The following MDGA2 variants were observed in gnomAD, a reference collection of about 807,000 sequenced individuals.
MDGA2 encodes the protein MAM domain containing glycosylphosphatidylinositol anchor 2.
Under a neutral mutation model 117.8 loss-of-function variants are expected in MDGA2, and 40 were observed. That is an observed-to-expected ratio of 0.34 (90% CI 0.26 to 0.44). The LOEUF is 0.44. Among genes scored for constraint, MDGA2 ranks in the 20% least tolerant of loss-of-function variants. The probability of loss-of-function intolerance (pLI) is 1.00; values close to 1 mark genes in which losing one functional copy is unlikely to be tolerated. For synonymous variants in MDGA2, 452 were observed against 439.0 expected, an observed-to-expected ratio of 1.03 and a Z score of -0.37; for missense variants, 1,123 against 1,250.6, an observed-to-expected ratio of 0.90 and a Z score of 1.54.
At chr14:46,883,862 T>C (rs999256109) in intron 10 of MDGA2, among the ~76,000 whole-genome samples, 1 of 152,136 alleles carries the variant, frequency 6.6e-6, no homozygotes, top group Non-Finnish European at 1.5e-5. Flanking sequence ...TTCAGATATA[T>C]ATATATGACA....
chr14:47,597,448 G>GT (rs1351064789), intron 1 of MDGA2, among the ~76,000 whole-genome samples: 1 of 151,656 alleles, frequency 6.6e-6, no homozygotes, highest in Non-Finnish European at 1.5e-5. Context: ...AATAATGAAC[G>GT]TAAGTTAATA....
intron 10 of MDGA2, among the ~76,000 whole-genome samples, chr14:46,907,040 G>A (rs987202931): frequency 1.5e-5 from 2 of 135,356 alleles, no homozygotes; most frequent in East Asian, 4.4e-4. Context: ...GCAGTGGCAC[G>A]AACTCAGCTC....
At chr14:46,968,833 T>A in intron 8 of MDGA2, among the ~76,000 whole-genome samples, 1 of 143,848 alleles carries the variant, frequency 7.0e-6, no homozygotes, top group African/African-American at 2.6e-5. Context: ...CAAGACTCTG[T>A]CTAAAAAAAA....
intron 1 of MDGA2, among the ~76,000 whole-genome samples, chr14:47,604,715 T>C (rs558762193): frequency 6.0e-4 from 92 of 152,280 alleles, no homozygotes; most frequent in Non-Finnish European, 1.0e-3. Flanking sequence ...AACGGGAATT[T>C]ATTTCCACAT....
At chr14:47,280,372 C>A (rs1888446947) in intron 2 of MDGA2, among the ~76,000 whole-genome samples, 1 of 140,868 alleles carries the variant, frequency 7.1e-6, no homozygotes, top group South Asian at 2.4e-4. Context: ...CGATCTATCT[C>A]ATTACTCAAA....
intron 1 of MDGA2, among the ~76,000 whole-genome samples, chr14:47,389,564 C>T (rs1462042440): frequency 6.6e-6 from 1 of 151,516 alleles, no homozygotes; most frequent in Non-Finnish European, 1.5e-5. Flanking sequence ...TTACAGAGAA[C>T]TTGTCAATTA....
At chr14:47,228,387 G>A (rs1886579193) in intron 2 of MDGA2, among the ~76,000 whole-genome samples, 2 of 149,484 alleles carry the variant, frequency 1.3e-5, no homozygotes, top group Non-Finnish European at 1.5e-5. Context: ...CTTGATTTTT[G>A]ACTTTATGAT....
At chr14:47,398,386 T>C (rs557042211) in intron 1 of MDGA2, among the ~76,000 whole-genome samples, 1 of 152,296 alleles carries the variant, frequency 6.6e-6, no homozygotes, top group East Asian at 1.9e-4. Flanking sequence ...CTACTAACTT[T>C]TGCCTGTGAG....
At chr14:47,484,245 A>AT (rs1213346492) in intron 1 of MDGA2, among the ~76,000 whole-genome samples, 18 of 152,142 alleles carry the variant, frequency 1.2e-4, no homozygotes, top group East Asian at 3.9e-4. Context: ...GGAATTAAAA[A>AT]AACACATATA....
Position 47,445,973 on chromosome 14 carries a change from C to T in MDGA2, c.281-144423G>A, listed in dbSNP as rs140557563. On this transcript the variant is annotated intron_variant, in intron 1 of 16. Transcript: ENST00000399232. ...TTTATTTCCATAACTCTTGTAGGGA[C>T]ACACAAAGCAGTCTGGGTCAATACC... Among the ~76,000 whole-genome samples the T allele has an allele frequency of 3.1e-3, 475 of 152,194 alleles. 1 individual carries two copies. The highest frequency in any genetic ancestry group is 0.011 in the African/African-American group (452 of 41,524).
At chr14:46,979,913 A>G (rs1466945791) in intron 8 of MDGA2, among the ~76,000 whole-genome samples, 1 of 152,224 alleles carries the variant, frequency 6.6e-6, no homozygotes, top group Non-Finnish European at 1.5e-5. Flanking sequence ...CAGATTTTCA[A>G]TGTAGATGAA....
chr14:47,342,292 A>C (rs201801969), intron 1 of MDGA2, among the ~76,000 whole-genome samples: 11 of 103,582 alleles, frequency 1.1e-4, no homozygotes, highest in African/African-American at 3.1e-4. Context: ...AAAATATGTT[A>C]TATATATAAA....
chr14:47,354,323 C>T (rs181795613), intron 1 of MDGA2, among the ~76,000 whole-genome samples: 4 of 152,240 alleles, frequency 2.6e-5, no homozygotes, highest in African/African-American at 9.6e-5. Flanking sequence ...TGAAAAAGTA[C>T]CTACCTGCAA....
At chr14:47,081,240 C>T (rs1201997563) in intron 6 of MDGA2, among the ~76,000 whole-genome samples, 2 of 152,032 alleles carry the variant, frequency 1.3e-5, no homozygotes. Flanking sequence ...TAAATGTATA[C>T]ATTTTTCAAA....
intron 1 of MDGA2, among the ~76,000 whole-genome samples, chr14:47,485,297 C>T (rs571419444): frequency 6.6e-6 from 1 of 152,164 alleles, no homozygotes; most frequent in South Asian, 2.1e-4. Flanking sequence ...TTGCATTTTG[C>T]CCCACCCTAG....
At position 47,113,181 on chromosome 14, in the gene MDGA2, A is replaced by C. The variant is rs139916441; in HGVS notation, c.926-16058T>G. On this transcript the variant is annotated intron_variant, in intron 5 of 16. Coordinates refer to ENST00000399232, the MANE Select transcript of MDGA2 (RefSeq NM_001113498.3). ...ACAAACAACCATCAGAGAATACTAT[A>C]AACACCTCCATTCAAACAAACTAGA... Among the ~76,000 whole-genome samples the C allele has an allele frequency of 3.4e-4, 52 of 152,312 alleles. No homozygotes were observed. The East Asian group carries it at 9.8e-3, about 29-fold the overall frequency.
intron 1 of MDGA2, among the ~76,000 whole-genome samples, chr14:47,341,117 T>A (rs967454982): frequency 1.3e-5 from 2 of 152,224 alleles, no homozygotes; most frequent in Non-Finnish European, 1.5e-5. Flanking sequence ...ATCTGCTATC[T>A]TATAATGTGG....
chr14:47,235,492 T>G (rs575233970), intron 2 of MDGA2, among the ~76,000 whole-genome samples: 1 of 152,232 alleles, frequency 6.6e-6, no homozygotes, highest in East Asian at 1.9e-4. Context: ...CAATCTTTGC[T>G]AAATGCGTAG....
intron 14 of MDGA2, among the ~76,000 whole-genome samples, chr14:46,866,945 G>T (rs1319698636): frequency 6.6e-6 from 1 of 152,122 alleles, no homozygotes; most frequent in Non-Finnish European, 1.5e-5. Context: ...CTGTTGGTGG[G>T]ACTGTAAACT....
Sources: allele counts gnomAD v4.1 joint callset (sites outside exome capture counted in the v4.1 genomes callset), GRCh38; gene constraint gnomAD v4.1.1; transcripts MANE v1.5; gene names NCBI Gene and HGNC (gene_info 2026-07-23, HGNC 2026-07-21).